CFAP74: variants seen among roughly 807,000 people sequenced by gnomAD.
The protein encoded by CFAP74 is cilia and flagella associated protein 74, also known as cilia- and flagella-associated protein 74.
CFAP74 carries 124 observed loss-of-function variants against 188.9 expected under a neutral mutation model. That is an observed-to-expected ratio of 0.66 (90% CI 0.57 to 0.76). The LOEUF is 0.76. CFAP74 is among the 30% of genes least tolerant of loss of function. CFAP74 has a pLI of 0.00. For missense variants in CFAP74, 2,198 were observed against 2,165.2 expected (o/e 1.02, Z -0.30); for synonymous variants, 956 against 916.7 (o/e 1.04, Z -0.77).
intron 25 of CFAP74, among the ~76,000 whole-genome samples, chr1:1,933,185 CTT>C (rs897460590): frequency 1.3e-4 from 17 of 133,156 alleles, no homozygotes; most frequent in Admixed American, 1.5e-4. Flanking sequence ...CGTGCCTGAC[CTT>C]TTTTTTTTTT....
intron 1 of CFAP74, among the ~76,000 whole-genome samples, chr1:1,996,094 T>G (rs948523017): frequency 1.3e-5 from 2 of 152,122 alleles, no homozygotes; most frequent in South Asian, 2.1e-4. Context: ...AAGCAATTCT[T>G]GTACCCCAGC....
chr1:1,989,048 C>A (rs1657422835), intron 2 of CFAP74, 75 bp from the exon 3 acceptor site: 3 of 774,884 alleles, frequency 3.9e-6, no homozygotes, highest in East Asian at 5.8e-5. Context: ...TAGGATAAAT[C>A]TTTTTCTTTT....
chr1:1,984,366 G>A (rs1010748781), intron 6 of CFAP74: 2 of 152,014 alleles, frequency 1.3e-5, no homozygotes, highest in Admixed American at 6.6e-5. Flanking sequence ...GGCCTTCTGG[G>A]GTTCATTAGC....
At chr1:1,945,018 C>A (rs569527843) in intron 20 of CFAP74, among the ~76,000 whole-genome samples, 5 of 152,264 alleles carry the variant, frequency 3.3e-5, no homozygotes, top group African/African-American at 9.6e-5. Context: ...TTAAAAAAAC[C>A]TTTCTATGGC....
chr1:1,962,757 C>T (rs1473234499), intron 14 of CFAP74, among the ~76,000 whole-genome samples: 1 of 151,976 alleles, frequency 6.6e-6, no homozygotes, highest in Non-Finnish European at 1.5e-5. Flanking sequence ...TGGTGGCACA[C>T]AGCTGTGGTC....
chr1:1,963,456 CAAAAAAAAAAAAAAA>C (rs772909618), intron 14 of CFAP74, among the ~76,000 whole-genome samples: 1 of 32,880 alleles, frequency 3.0e-5, no homozygotes, highest in South Asian at 2.0e-3. Flanking sequence ...GACTCCATCT[CAAAAAAAAAAAAAAA>C]AAAAAAAAAA....
chr1:1,939,650 T>C lies in CFAP74; in HGVS notation c.2821A>G (p.Ser941Gly). 6.5e-7 allele frequency: 1 copy of C among 1,536,058 alleles called. No homozygotes were observed. The highest frequency in any genetic ancestry group is 8.7e-7 in the Non-Finnish European group (1 of 1,146,868). Residue 941 changes from serine (S) to glycine (G), a missense_variant, in exon 24 of 39, where the codon AGC becomes GGC. Ser to Gly is a moderately conservative substitution (Grantham distance 56, BLOSUM62 0). Coordinates refer to ENST00000682832, the MANE Select transcript of CFAP74 (RefSeq NM_001304360.2). ...TIYEAIRTEI[S>G]LHNHSLLPQE... ...GGCAGGAGCGAGTGGTTGTGGAGGC[T>C]GATTTCCGTCCTGATGGCCTCATAG... is the stretch of plus-strand genomic sequence containing the variant.
chr1:1,980,506 C>T (rs1656768297), intron 6 of CFAP74, among the ~76,000 whole-genome samples: 1 of 152,252 alleles, frequency 6.6e-6, no homozygotes, highest in Admixed American at 6.5e-5. Flanking sequence ...CTCACAGCAG[C>T]CCCCGGGCAC....
chr1:1,963,728 C>G, intron 14 of CFAP74, 21 bp downstream of exon 14: 1 of 1,531,286 alleles, frequency 6.5e-7, no homozygotes, highest in Middle Eastern at 1.8e-4. Context: ...GCGTCCCTCC[C>G]TGTCTGAGCC....
rs1656405000 is a variant in CFAP74, at chr1:1,975,869, G to A, written c.501-1671C>T. 6.6e-6 allele frequency among the ~76,000 whole-genome samples: 1 copy of A among 152,162 alleles called. No homozygotes were observed. The highest frequency in any genetic ancestry group is 2.1e-4 in the South Asian group (1 of 4,828). ...GCCGTGGGAGCTAACAGCCTGCAGG[G>A]TCTCTTAGTAAAGAGGCAAGACGCT... On this transcript the variant is annotated intron_variant, in intron 6 of 38. Transcript: ENST00000682832. This position sits in a 1 kb window ranked among gnomAD's most constrained non-coding sequence, Gnocchi z 4.5.
chr1:1,931,092 C>T (rs556657400), intron 25 of CFAP74, among the ~76,000 whole-genome samples: 6 of 152,128 alleles, frequency 3.9e-5, no homozygotes, highest in African/African-American at 9.7e-5. Context: ...TATTCAAATG[C>T]GTATTTTTAT....
Position 2,001,468 on chromosome 1 carries a change from T to A in CFAP74, c.-20+2233A>T, listed in dbSNP as rs1394468865. On this transcript the variant is annotated intron_variant, in intron 1 of 38. Transcript: ENST00000682832. ...CCTCAGCCTCCCGAGTAGCTGGGAC[T>A]ACAGGCAACCGCCACCACACCTGGC... 2.6e-5 allele frequency among the ~76,000 whole-genome samples: 4 copies of A among 152,108 alleles called. No homozygotes were observed. The East Asian group carries it at 7.7e-4, about 29-fold the overall frequency.
chr1:1,994,901 A>T (rs1368934337), intron 1 of CFAP74, among the ~76,000 whole-genome samples: 3 of 152,176 alleles, frequency 2.0e-5, no homozygotes, highest in African/African-American at 7.2e-5. Context: ...AACAGGAGCA[A>T]AGAGAAGCGG....
intron 1 of CFAP74, among the ~76,000 whole-genome samples, chr1:1,992,191 G>T (rs1169028640): frequency 6.6e-6 from 1 of 152,156 alleles, no homozygotes; most frequent in East Asian, 1.9e-4. Flanking sequence ...TTGTGACAGG[G>T]TCTCACTCTG....
intron 16 of CFAP74, among the ~76,000 whole-genome samples, chr1:1,958,756 G>A (rs1028427487): frequency 6.7e-6 from 1 of 150,022 alleles, no homozygotes; most frequent in African/African-American, 2.5e-5. Flanking sequence ...CTGCTGTTCT[G>A]TTTTCCTCTA....
chr1:1,946,347 T>A lies in CFAP74; in HGVS notation c.2334A>T (p.Lys778Asn). The A allele has an allele frequency of 6.5e-7, 1 of 1,536,648 alleles. No individual in the cohort carries two copies. Among genetic ancestry groups the A allele is most frequent in the South Asian group, 1.2e-5 (1 of 84,038 alleles). The change falls in exon 20 of 39, where the codon AAA becomes AAT. Residue 778 changes from lysine (K) to asparagine (N), a missense_variant. Coordinates refer to ENST00000682832, the MANE Select transcript of CFAP74 (RefSeq NM_001304360.2). Reference sequence around the variant, plus strand: ...GGCACTGGGGGTTCTTAAACGTGACTTTGAACCTGGCTTGGACGTCGCCTG... The same window carrying A: ...GGCACTGGGGGTTCTTAAACGTGACATTGAACCTGGCTTGGACGTCGCCTG... ...VVPGDVQARFKVTFKNPQCPT... is the reference protein window; with the variant it reads ...VVPGDVQARFNVTFKNPQCPT...
At chr1:1,938,183 GCACT>G (rs1215788629) in intron 25 of CFAP74, among the ~76,000 whole-genome samples, 3 of 145,420 alleles carry the variant, frequency 2.1e-5, no homozygotes, top group South Asian at 2.2e-4. Context: ...CCACATACAA[GCACT>G]CACATTCAGT....
intron 21 of CFAP74, among the ~76,000 whole-genome samples, chr1:1,943,075 C>T (rs558528985): frequency 7.6e-4 from 116 of 152,334 alleles, no homozygotes; most frequent in Middle Eastern, 3.4e-3. Context: ...GCGCCCTCCC[C>T]GTCAGGCAGA....
At position 1,968,059 on chromosome 1, in the gene CFAP74, AGT is replaced by A; in HGVS notation, c.1245+574_1245+575del. Among the ~76,000 whole-genome samples the A allele has an allele frequency of 6.6e-6, 1 of 152,146 alleles. No individual in the cohort carries two copies. Among genetic ancestry groups the A allele is most frequent in the African/African-American group, 2.4e-5 (1 of 41,416 alleles). On this transcript the variant is annotated intron_variant, in intron 11 of 38. Transcript: ENST00000682832. This position sits in a 1 kb window ranked among gnomAD's most constrained non-coding sequence, Gnocchi z 4.3. ...GAATGAATAAGTGTATCAGTGAGTGAGTGAATGAATGAGTGAATGAGTAAAGA... is the reference window on the plus strand; with the variant it reads ...GAATGAATAAGTGTATCAGTGAGTGAGAATGAATGAGTGAATGAGTAAAGA...
Sources: gnomAD v4.1 joint callset for allele counts (sites outside exome capture counted in the v4.1 genomes callset) on GRCh38, gnomAD v4.1.1 for gene constraint, Gnocchi (gnomAD v3.1) non-coding constraint, MANE v1.5 for transcripts, NCBI Gene and HGNC (gene_info 2026-07-23, HGNC 2026-07-21) for gene names.